Variants in SHISAL1 observed in about 807,000 individuals in gnomAD.
SHISAL1 encodes shisa like 1.
Under a neutral mutation model 22.6 loss-of-function variants are expected in SHISAL1, and 9 were observed. That is an observed-to-expected ratio of 0.40 (90% CI 0.24 to 0.70). The LOEUF is 0.70. Ranked by LOEUF, SHISAL1 falls within the 30% of genes least tolerant of loss-of-function variation. The probability of loss-of-function intolerance (pLI) is 0.39; values close to 1 mark genes in which losing one functional copy is unlikely to be tolerated. For missense variants in SHISAL1, 246 were observed against 270.6 expected, an observed-to-expected ratio of 0.91 and a Z score of 0.64; for synonymous variants, 119 against 115.4, an observed-to-expected ratio of 1.03 and a Z score of -0.20.
At chr22:44,263,945 C>A (rs2055144185) in intron 4 of SHISAL1, among the ~76,000 whole-genome samples, 1 of 152,194 alleles carries the variant, frequency 6.6e-6, no homozygotes, top group Non-Finnish European at 1.5e-5. Context: ...ACACAATACC[C>A]AAGAGAGATG....
intron 1 of SHISAL1, among the ~76,000 whole-genome samples, chr22:44,306,543 TGGCA>T (rs2055476011): frequency 1.1e-5 from 1 of 91,954 alleles, no homozygotes; most frequent in Non-Finnish European, 2.2e-5. Context: ...CTGATGACGA[TGGCA>T]TGTGTGGAGG....
rs1003971 is a variant in SHISAL1 at position 44,285,764 on chromosome 22, G to T, written c.282-19C>A. ...GTAATTGCTGCGAACAAACAGAGAG[G>T]GAGTGAGCAAGCAGAGGGGAGCAGT... On this transcript the variant is annotated intron_variant, in intron 3 of 4. Coordinates refer to ENST00000381176, the MANE Select transcript of SHISAL1 (RefSeq NM_001099294.2). 0.016 allele frequency: 25,332 copies of T among 1,595,084 alleles called. 2,258 individuals carry two copies. The Admixed American group carries it at 0.24, about 15-fold the overall frequency.
chr22:44,265,042 C>T (rs925125121), intron 4 of SHISAL1, among the ~76,000 whole-genome samples: 7 of 152,118 alleles, frequency 4.6e-5, no homozygotes, highest in African/African-American at 1.4e-4. Context: ...TTGACTTTTC[C>T]CTTCTGCTCT....
At chr22:44,304,587 G>T (rs986122990) in intron 1 of SHISAL1, among the ~76,000 whole-genome samples, 15 of 152,132 alleles carry the variant, frequency 9.9e-5, no homozygotes, top group African/African-American at 3.6e-4. Context: ...TCGTCCCTGG[G>T]AGCTGTAAGC....
intron 4 of SHISAL1, among the ~76,000 whole-genome samples, chr22:44,256,988 T>G (rs1363480481): frequency 2.6e-5 from 4 of 152,144 alleles, no homozygotes; most frequent in African/African-American, 9.7e-5. Context: ...AAAGCCACAA[T>G]GAGAGAGGAT....
chr22:44,254,576 G>T (rs754048987), intron 4 of SHISAL1, among the ~76,000 whole-genome samples: 14 of 152,150 alleles, frequency 9.2e-5, no homozygotes, highest in Admixed American at 5.9e-4. Context: ...TGCCCAGGCT[G>T]ATCTTGATCT....
chr22:44,276,292 G>A (rs755935031), intron 4 of SHISAL1, among the ~76,000 whole-genome samples: 3 of 152,282 alleles, frequency 2.0e-5, no homozygotes, highest in Admixed American at 6.5e-5. Context: ...GAACAGCAGC[G>A]GGGCTGGTGT....
At chr22:44,317,346 G>A (rs2055564592), upstream of SHISAL1, among the ~76,000 whole-genome samples, 1 of 152,216 alleles carries the variant, frequency 6.6e-6, no homozygotes, top group South Asian at 2.1e-4. Context: ...ACTCGGGGCG[G>A]TCCGCGCCCA....
chr22:44,284,494 G>C (rs2055297666), intron 4 of SHISAL1, among the ~76,000 whole-genome samples: 1 of 152,132 alleles, frequency 6.6e-6, no homozygotes, highest in Non-Finnish European at 1.5e-5. Context: ...CTCCAGCAAG[G>C]GGGCTCTGGG....
At chr22:44,272,767 G>A (rs1385735244) in intron 4 of SHISAL1, among the ~76,000 whole-genome samples, 1 of 152,186 alleles carries the variant, frequency 6.6e-6, no homozygotes, top group Non-Finnish European at 1.5e-5. Context: ...CATTGCCCTG[G>A]GTGCCTGTCT....
chr22:44,324,775 G>A, the SHISAL1 span, among the ~76,000 whole-genome samples: 294 of 152,224 alleles, frequency 1.9e-3, no homozygotes, highest in Middle Eastern at 0.024. Flanking sequence ...ATCAGCACCC[G>A]GAGCCTCCCT....
At chr22:44,272,273 C>T (rs550884977) in intron 4 of SHISAL1, among the ~76,000 whole-genome samples, 13 of 152,322 alleles carry the variant, frequency 8.5e-5, no homozygotes, top group Non-Finnish European at 1.9e-4. Flanking sequence ...AGAAGTGTGT[C>T]TTCAAAATGA....
Position 44,248,161 on chromosome 22 carries a change from C to T in SHISAL1, c.*1524G>A, listed in dbSNP as rs1244817709. ...AGCACTCACTGCCTTCGCCACCTTC[C>T]TTCTTCACTGTCTTCCTGCCCCAGC... On this transcript the variant is annotated 3_prime_UTR_variant, in exon 5 of 5. Transcript: ENST00000381176. 6.6e-6 allele frequency: 1 copy of T among 152,324 alleles called. No individual in the cohort carries two copies. The highest frequency in any genetic ancestry group is 1.5e-5 in the Non-Finnish European group (1 of 68,128). The allele number at this position is 152,324 out of a possible 1,614,324, so 9.4% of individuals were successfully genotyped here.
At chr22:44,278,041 C>A (rs60030254) in intron 4 of SHISAL1, among the ~76,000 whole-genome samples, 5,845 of 152,132 alleles carry the variant, frequency 0.038, 411 homozygotes, top group African/African-American at 0.14. Context: ...AAGTATTGAT[C>A]CTGGGTGTGT....
At chr22:44,277,739 T>C (rs4533577) in intron 4 of SHISAL1, among the ~76,000 whole-genome samples, 8,077 of 152,156 alleles carry the variant, frequency 0.053, 750 homozygotes, top group African/African-American at 0.19. Flanking sequence ...TGGCCTGAGG[T>C]GGAAGTGGAT....
chr22:44,289,504 G>A (rs1421354035), intron 3 of SHISAL1, among the ~76,000 whole-genome samples: 1 of 151,148 alleles, frequency 6.6e-6, no homozygotes, highest in Non-Finnish European at 1.5e-5. Context: ...GTTTACTGCC[G>A]GGCTCCTGGC....
At chr22:44,318,124 A>G in the SHISAL1 span, among the ~76,000 whole-genome samples, 1 of 152,242 alleles carries the variant, frequency 6.6e-6, no homozygotes, top group Non-Finnish European at 1.5e-5. Context: ...GGGGAAGTCC[A>G]GGGCAGACAA....
chr22:44,266,373 T>C lies in SHISAL1; in HGVS notation c.*-16688A>G, dbSNP rs187874073. Among the ~76,000 whole-genome samples, 20 of 143,276 alleles carry C rather than the reference T, an allele frequency of 1.4e-4. 1 individual carries two copies. The highest frequency in any genetic ancestry group is 4.1e-4 in the African/African-American group (15 of 36,572). The allele number at this position is 143,276 out of a possible 152,430, so 94.0% of individuals were successfully genotyped here. A position where few individuals can be genotyped will look rare whatever the true frequency, so the allele number is the denominator to read the frequency against. On this transcript the variant is annotated intron_variant, in intron 4 of 4. Coordinates refer to ENST00000381176, the MANE Select transcript of SHISAL1 (RefSeq NM_001099294.2). The stretch of plus-strand genomic sequence containing the variant: ...TGGGGATGGGGAGTGGACGAGGCAG[T>C]GGGGTGTGTTTGTGTGTGTTTGTCG...
At chr22:44,305,384 T>G (rs766904321) in intron 1 of SHISAL1, among the ~76,000 whole-genome samples, 4 of 152,204 alleles carry the variant, frequency 2.6e-5, no homozygotes, top group African/African-American at 9.6e-5. Flanking sequence ...TACTAGGCCA[T>G]GAGGGTCCTG....
Sources: gnomAD v4.1 joint callset for allele counts (sites outside exome capture counted in the v4.1 genomes callset) on GRCh38, gnomAD v4.1.1 for gene constraint, MANE v1.5 for transcripts, NCBI Gene and HGNC (gene_info 2026-07-23, HGNC 2026-07-21) for gene names.